Variants in DOCK4 observed in about 807,000 individuals in gnomAD.
DOCK4 encodes dedicator of cytokinesis 4, also known as dedicator of cytokinesis protein 4.
A neutral mutation model predicts 268.1 loss-of-function variants in DOCK4; 97 were observed. The ratio of observed to expected loss-of-function variants is 0.36; its 90% CI spans 0.31 to 0.43. The LOEUF (loss-of-function observed/expected upper bound fraction) is 0.43. Among genes scored for constraint, DOCK4 ranks in the 20% least tolerant of loss-of-function variants. The pLI is 1.00. For synonymous variants in DOCK4, 954 were observed against 887.2 expected, an observed-to-expected ratio of 1.08 and a Z score of -1.34; for missense variants, 2,145 against 2,455.7, an observed-to-expected ratio of 0.87 and a Z score of 2.67.
intron 4 of DOCK4, among the ~76,000 whole-genome samples, chr7:111,995,107 C>G (rs1293508456): frequency 4.6e-5 from 7 of 151,554 alleles, no homozygotes; most frequent in Non-Finnish European, 1.0e-4. Context: ...TCTCGGCTCA[C>G]TGCAAGCTCC....
intron 1 of DOCK4, among the ~76,000 whole-genome samples, chr7:112,180,463 GAAGT>G (rs1415742516): frequency 6.6e-6 from 1 of 152,198 alleles, no homozygotes; most frequent in Non-Finnish European, 1.5e-5. Flanking sequence ...CCCAAGTTTG[GAAGT>G]AAGTGTGAGT....
chr7:111,819,808 G>T (rs901570335), intron 27 of DOCK4: 4 of 152,150 alleles, frequency 2.6e-5, no homozygotes, highest in African/African-American at 9.7e-5. Context: ...CACACGACTG[G>T]GTTAATAAAA....
intron 1 of DOCK4, among the ~76,000 whole-genome samples, chr7:112,145,368 C>G (rs1586915762): frequency 6.6e-6 from 1 of 152,286 alleles, no homozygotes; most frequent in East Asian, 1.9e-4. Context: ...TAGGAACATA[C>G]ACATACTAAT....
chr7:111,869,791 G>T, intron 20 of DOCK4, 136 bp from the exon 21 acceptor site: 1 of 688,454 alleles, frequency 1.5e-6, no homozygotes, highest in Non-Finnish European at 2.5e-6. Context: ...TCAATCTGCT[G>T]TATAATAATT....
At chr7:112,066,870 C>A (rs182194442) in intron 1 of DOCK4, among the ~76,000 whole-genome samples, 7 of 150,712 alleles carry the variant, frequency 4.6e-5, no homozygotes, top group African/African-American at 1.7e-4. Context: ...ATGGGCTGGG[C>A]ACAGTGGCTC....
In DOCK4 at chr7:112,104,519, G is replaced by A. The variant is rs573723928; in HGVS notation, c.38-100388C>T. On this transcript the variant is annotated intron_variant, in intron 1 of 52. Coordinates refer to ENST00000428084, the MANE Select transcript of DOCK4 (RefSeq NM_001363540.2). ...TTGGCTCTCTGATTGCAAGGTAAGC[G>A]CCAAAACTCAAAATTAACCTTGGCT... Among the ~76,000 whole-genome samples the A allele has an allele frequency of 2.6e-5, 4 of 152,202 alleles. No homozygotes were observed. The South Asian group carries it at 8.3e-4, about 32-fold the overall frequency.
intron 13 of DOCK4, among the ~76,000 whole-genome samples, chr7:111,912,098 T>C (rs1280517824): frequency 6.6e-6 from 1 of 152,198 alleles, no homozygotes; most frequent in Non-Finnish European, 1.5e-5. Flanking sequence ...GGAATTTCAG[T>C]CGGGCAATTA....
At chr7:111,743,848 C>G (rs1796093916) in intron 44 of DOCK4, among the ~76,000 whole-genome samples, 1 of 152,178 alleles carries the variant, frequency 6.6e-6, no homozygotes, top group Non-Finnish European at 1.5e-5. Context: ...GAGACAGAGT[C>G]TCACTCTGCT....
chr7:112,075,150 T>G (rs1374470282), intron 1 of DOCK4, among the ~76,000 whole-genome samples: 13 of 152,152 alleles, frequency 8.5e-5, no homozygotes, highest in African/African-American at 2.4e-4. Context: ...TGGAAAAATA[T>G]AACAGTGGGG....
chr7:111,735,071 G>C lies in DOCK4; in HGVS notation c.5402C>G (p.Pro1801Arg), dbSNP rs1222233483. 6.3e-7 allele frequency: 1 copy of C among 1,594,320 alleles called. No homozygotes were observed. The highest frequency in any genetic ancestry group is 1.3e-5 in the African/African-American group (1 of 74,768). The change falls in exon 51 of 53, where the codon CCA (proline) becomes CGA (arginine). Residue 1801 changes from proline to arginine, a missense_variant. Physicochemically the swap from Pro to Arg is moderately radical, Grantham distance 103 (BLOSUM62 -2). Transcript: ENST00000428084. ...SGKLISPPVPPRPTQTASPAR... is the reference protein window; with the variant it reads ...SGKLISPPVPRRPTQTASPAR... The stretch of plus-strand genomic sequence containing the variant: ...ATACCCACCAGTCTGTGTGGGTCTT[G>C]GAGGGACAGGGGGAGAGATAAGTTT...
intron 1 of DOCK4, among the ~76,000 whole-genome samples, chr7:112,197,273 C>T (rs1475797303): frequency 2.7e-5 from 4 of 146,626 alleles, no homozygotes; most frequent in Admixed American, 6.8e-5. Context: ...CTTGTGGTTC[C>T]TAAGAGGTAT....
intron 1 of DOCK4, among the ~76,000 whole-genome samples, chr7:112,122,988 C>T (rs1245895837): frequency 1.3e-5 from 2 of 152,126 alleles, no homozygotes; most frequent in East Asian, 3.9e-4. Flanking sequence ...GCAAATTACT[C>T]AGGGCAAAGG....
intron 15 of DOCK4, among the ~76,000 whole-genome samples, chr7:111,899,436 G>A (rs1422183371): frequency 6.6e-6 from 1 of 152,156 alleles, no homozygotes; most frequent in Non-Finnish European, 1.5e-5. Context: ...GCAGTGCTAA[G>A]ATATACTCAG....
intron 5 of DOCK4, 30 bp downstream of exon 5, chr7:111,994,104 GA>G: frequency 7.0e-7 from 1 of 1,428,014 alleles, no homozygotes; most frequent in Non-Finnish European, 9.7e-7. Flanking sequence ...TTCTTTACCC[GA>G]AAAATCGTGT....
At chr7:112,172,303 T>G (rs1818156920) in intron 1 of DOCK4, among the ~76,000 whole-genome samples, 1 of 152,208 alleles carries the variant, frequency 6.6e-6, no homozygotes, top group African/African-American at 2.4e-5. Flanking sequence ...ATAAGAATAC[T>G]TCTTGAATAA....
chr7:111,887,377 G>A (rs1297440489), intron 16 of DOCK4, among the ~76,000 whole-genome samples: 1 of 152,112 alleles, frequency 6.6e-6, no homozygotes. Flanking sequence ...TGGATGAGAT[G>A]GATCTAGAGA....
rs1323716760 is a variant in DOCK4, at chr7:111,933,296, ATATT to A, written c.1066+2240_1066+2243del. Among the ~76,000 whole-genome samples the A allele has an allele frequency of 5.5e-5, 6 of 108,382 alleles. 1 individual carries two copies. The highest frequency in any genetic ancestry group is 2.5e-4 in the African/African-American group (6 of 24,262). 71.1% of individuals were successfully genotyped at this position (108,382 alleles called of 152,430 possible). ...CATATATACATATATATATATATAT[ATATT>A]TTTTTTTTTTTTTGAGATGGAGTCT... On this transcript the variant is annotated intron_variant, in intron 12 of 52. Coordinates refer to ENST00000428084, the MANE Select transcript of DOCK4 (RefSeq NM_001363540.2).
At chr7:112,046,922 G>A (rs1012195338) in intron 1 of DOCK4, among the ~76,000 whole-genome samples, 11 of 152,248 alleles carry the variant, frequency 7.2e-5, no homozygotes, top group East Asian at 1.9e-4. Context: ...CAGCAGCAGC[G>A]AGGAAAAAGC....
intron 6 of DOCK4, among the ~76,000 whole-genome samples, chr7:111,987,191 T>C (rs1282383281): frequency 6.6e-6 from 1 of 152,212 alleles, no homozygotes; most frequent in Non-Finnish European, 1.5e-5. Context: ...TACCAACTTA[T>C]CATAAATTAG....
Sources: allele counts gnomAD v4.1 joint callset (sites outside exome capture counted in the v4.1 genomes callset), GRCh38; gene constraint gnomAD v4.1.1; transcripts MANE v1.5; gene names NCBI Gene and HGNC (gene_info 2026-07-23, HGNC 2026-07-21).